Variants in ATP11A observed in about 807,000 individuals in gnomAD.
ATP11A encodes the protein ATPase phospholipid transporting 11A.
A neutral mutation model predicts 154.4 loss-of-function variants in ATP11A; 81 were observed. The observed-to-expected ratio is 0.52, with a 90% CI of 0.44 to 0.63. The LOEUF (loss-of-function observed/expected upper bound fraction) is 0.63, where lower values mean the gene tolerates loss of function less well. Among genes scored for constraint, ATP11A ranks in the 30% least tolerant of loss-of-function variants. The pLI is 0.00. For synonymous variants in ATP11A, 623 were observed against 585.9 expected, an observed-to-expected ratio of 1.06 and a Z score of -0.91; for missense variants, 1,316 against 1,474.3, an observed-to-expected ratio of 0.89 and a Z score of 1.76.
In ATP11A at chr13:112,716,677, C is replaced by T. The variant is rs117892347; in HGVS notation, c.39+26222C>T. On this transcript the variant is annotated intron_variant, in intron 1 of 29. Transcript: ENST00000375645. ...CATGTCTTGGGCACGTCGATGGGGCCGGGCCGCTGGAGAGGGTGTGAGAGC... is the reference window on the plus strand; with the variant it reads ...CATGTCTTGGGCACGTCGATGGGGCTGGGCCGCTGGAGAGGGTGTGAGAGC... Among the ~76,000 whole-genome samples the T allele has an allele frequency of 7.4e-4, 112 of 152,272 alleles. No homozygotes were observed. The East Asian group carries it at 0.018, about 25-fold the overall frequency.
intron 1 of ATP11A, among the ~76,000 whole-genome samples, chr13:112,699,091 A>C (rs1007356772): frequency 6.6e-6 from 1 of 152,210 alleles, no homozygotes; most frequent in East Asian, 1.9e-4. Flanking sequence ...TGATTTTTCT[A>C]TGAATAAAGA....
chr13:112,854,652 G>C, intron 19 of ATP11A, 122 bp downstream of exon 19: 1 of 1,199,932 alleles, frequency 8.3e-7, no homozygotes, highest in East Asian at 2.5e-5. Flanking sequence ...TCTCCCCTGG[G>C]GCATTAATGC....
At chr13:112,730,541 C>T (rs953574979) in intron 1 of ATP11A, among the ~76,000 whole-genome samples, 1 of 152,206 alleles carries the variant, frequency 6.6e-6, no homozygotes, top group Non-Finnish European at 1.5e-5. Flanking sequence ...ATGGGACACA[C>T]AGCCGCTTCC....
At chr13:112,756,459 AGT>A (rs2076835824) in intron 1 of ATP11A, among the ~76,000 whole-genome samples, 1 of 152,050 alleles carries the variant, frequency 6.6e-6, no homozygotes, top group South Asian at 2.1e-4. Flanking sequence ...TTCTGCCCAG[AGT>A]GTGTGTGCTT....
At chr13:112,691,028 C>T (rs1885097574) in intron 1 of ATP11A, among the ~76,000 whole-genome samples, 1 of 152,124 alleles carries the variant, frequency 6.6e-6, no homozygotes, top group Non-Finnish European at 1.5e-5. Flanking sequence ...ATCAGAAGTC[C>T]GGGGTCTTCT....
chr13:112,705,035 T>C (rs1886986303), intron 1 of ATP11A, among the ~76,000 whole-genome samples: 1 of 152,196 alleles, frequency 6.6e-6, no homozygotes, highest in Admixed American at 6.5e-5. Context: ...CATCTCCTTT[T>C]CTCTCTAGAA....
intron 1 of ATP11A, among the ~76,000 whole-genome samples, chr13:112,781,457 T>C (rs987342945): frequency 6.6e-6 from 1 of 152,164 alleles, no homozygotes; most frequent in African/African-American, 2.4e-5. Context: ...CGTTGCTAAC[T>C]GTACAGAGAA....
At chr13:112,866,075 A>G (rs1041691756) in intron 25 of ATP11A, among the ~76,000 whole-genome samples, 1 of 152,218 alleles carries the variant, frequency 6.6e-6, no homozygotes, top group African/African-American at 2.4e-5. Context: ...TTGTTTGCCT[A>G]ACCCCTGGGG....
At chr13:112,738,780 A>G (rs1383506248) in intron 1 of ATP11A, among the ~76,000 whole-genome samples, 1 of 143,868 alleles carries the variant, frequency 7.0e-6, no homozygotes, top group African/African-American at 2.6e-5. Flanking sequence ...CTGTGGGATG[A>G]CTGTTCCCAT....
At chr13:112,787,799 C>T (rs1425976292) in intron 2 of ATP11A, among the ~76,000 whole-genome samples, 2 of 147,198 alleles carry the variant, frequency 1.4e-5, no homozygotes, top group African/African-American at 5.1e-5. Flanking sequence ...CGTGTAAACC[C>T]CTGTGGAGAC....
intron 2 of ATP11A, among the ~76,000 whole-genome samples, chr13:112,796,178 T>C (rs1449597799): frequency 6.6e-6 from 1 of 152,198 alleles, no homozygotes; most frequent in Non-Finnish European, 1.5e-5. Flanking sequence ...TCTGTCTCAG[T>C]TTGTATGGCT....
rs2080036592 is a variant in ATP11A, at chr13:112,859,479, G to C, written c.2727+27G>C. On this transcript the variant is annotated intron_variant, in intron 23 of 29. Transcript: ENST00000375645. The surrounding 1 kb of genome is among the most constrained non-coding windows in gnomAD (Gnocchi z 4.3). ...TCAGTCCTAGGGTCTTCAGGGACAGGCTGTCTGAGCCTTCTTTTCCTTCCC... is the reference window on the plus strand; with the variant it reads ...TCAGTCCTAGGGTCTTCAGGGACAGCCTGTCTGAGCCTTCTTTTCCTTCCC... 1 of 1,592,740 alleles carries C rather than the reference G, an allele frequency of 6.3e-7. No individual in the cohort carries two copies. The highest frequency in any genetic ancestry group is 1.3e-5 in the African/African-American group (1 of 74,386).
At chr13:112,770,953 G>A (rs1185391561) in intron 1 of ATP11A, among the ~76,000 whole-genome samples, 1 of 152,268 alleles carries the variant, frequency 6.6e-6, no homozygotes, top group East Asian at 1.9e-4. Flanking sequence ...AGGGAGAATC[G>A]CCCTGTAAAC....
At chr13:112,707,693 T>G (rs1887302028) in intron 1 of ATP11A, among the ~76,000 whole-genome samples, 1 of 152,160 alleles carries the variant, frequency 6.6e-6, no homozygotes, top group African/African-American at 2.4e-5. Context: ...TTTTGAAGTG[T>G]CATCTTCTCT....
intron 1 of ATP11A, among the ~76,000 whole-genome samples, chr13:112,735,686 G>T (rs189797271): frequency 2.9e-4 from 44 of 152,298 alleles, no homozygotes; most frequent in African/African-American, 1.1e-3. Context: ...ACAGGGCTTA[G>T]AATCCTGCAC....
At chr13:112,804,890 C>A in intron 2 of ATP11A, 67 bp from the exon 3 acceptor site, 1 of 939,788 alleles carries the variant, frequency 1.1e-6, no homozygotes, top group Non-Finnish European at 1.6e-6. Flanking sequence ...ACTTACTATG[C>A]CCTAGAGTAA....
intron 1 of ATP11A, among the ~76,000 whole-genome samples, chr13:112,779,456 A>G (rs1056292129): frequency 6.6e-6 from 1 of 152,156 alleles, no homozygotes; most frequent in African/African-American, 2.4e-5. Context: ...GCTGTGCTTC[A>G]GCTGGGACAG....
intron 8 of ATP11A, 114 bp from the exon 9 acceptor site, chr13:112,823,231 C>T: frequency 1.3e-6 from 1 of 779,962 alleles, no homozygotes. Context: ...ATGCCATCTC[C>T]TCTGAAAATG....
chr13:112,849,757 A>G (rs2140319588), intron 17 of ATP11A, among the ~76,000 whole-genome samples: 1 of 152,374 alleles, frequency 6.6e-6, no homozygotes. Context: ...CAGTGCCCAC[A>G]GCCAGAGAAC....
Sources: allele counts gnomAD v4.1 joint callset (sites outside exome capture counted in the v4.1 genomes callset), GRCh38; gene constraint gnomAD v4.1.1; non-coding constraint Gnocchi (gnomAD v3.1); transcripts MANE v1.5; gene names NCBI Gene and HGNC (gene_info 2026-07-23, HGNC 2026-07-21).